Variants in KLF8 observed in about 807,000 individuals in gnomAD.
KLF8 encodes the protein Krueppel-like factor 8.
In KLF8, 10 loss-of-function variants were observed where a neutral mutation model predicts 18.2. That is an observed-to-expected ratio of 0.55 (90% CI 0.34 to 0.93). The LOEUF (loss-of-function observed/expected upper bound fraction) is 0.93. Among genes scored for constraint, KLF8 ranks in the 40% least tolerant of loss-of-function variants. The probability of loss-of-function intolerance (pLI) is 0.02; values close to 1 mark genes in which losing one functional copy is unlikely to be tolerated. For missense variants in KLF8, 264 were observed against 277.9 expected (o/e 0.95, Z 0.36); for synonymous variants, 109 against 97.3 (o/e 1.12, Z -0.71).
At chrX:55,924,805 G>A in the KLF8 span, among the ~76,000 whole-genome samples, 2 of 104,001 alleles carry the variant, frequency 1.9e-5, no homozygotes. Context: ...GTGGAGGATT[G>A]GTGGTTTCGT....
the KLF8 span, among the ~76,000 whole-genome samples, chrX:55,945,445 A>G: frequency 9.0e-6 from 1 of 111,108 alleles, no homozygotes; most frequent in Non-Finnish European, 1.9e-5. Context: ...AAAGTCTCCC[A>G]TTATTGTTGT....
chrX:56,135,316 C>G, the KLF8 span, among the ~76,000 whole-genome samples: 1,720 of 111,359 alleles, frequency 0.015, 22 homozygotes, highest in Admixed American at 0.052. Context: ...TTCCAACAAT[C>G]ATAGACTGGA....
At chrX:56,059,055 G>A in the KLF8 span, among the ~76,000 whole-genome samples, 1 of 111,988 alleles carries the variant, frequency 8.9e-6, no homozygotes, top group Non-Finnish European at 1.9e-5. Flanking sequence ...TAACTTGCAT[G>A]AGATAGTATC....
chrX:56,036,235 A>G, the KLF8 span, among the ~76,000 whole-genome samples: 109 of 111,703 alleles, frequency 9.8e-4, no homozygotes, highest in Middle Eastern at 4.7e-3. Flanking sequence ...TTGAGGTTTT[A>G]TTCATAAATT....
the KLF8 span, among the ~76,000 whole-genome samples, chrX:55,999,630 G>A: frequency 9.1e-6 from 1 of 110,484 alleles, no homozygotes; most frequent in Admixed American, 9.7e-5. Context: ...AATAAGAACT[G>A]ATTTCTTGAT....
the KLF8 span, among the ~76,000 whole-genome samples, chrX:56,199,206 A>G: frequency 8.9e-6 from 1 of 112,065 alleles, no homozygotes; most frequent in Non-Finnish European, 1.9e-5. Flanking sequence ...AAAACACCAA[A>G]AGAAATGGCA....
At chrX:55,983,886 C>T in the KLF8 span, among the ~76,000 whole-genome samples, 1 of 110,107 alleles carries the variant, frequency 9.1e-6, no homozygotes, top group Non-Finnish European at 1.9e-5. Context: ...ATTTTGTTTT[C>T]CAGTCCTGTG....
the KLF8 span, among the ~76,000 whole-genome samples, chrX:56,080,035 T>A: frequency 9.0e-6 from 1 of 111,382 alleles, no homozygotes; most frequent in Non-Finnish European, 1.9e-5. Flanking sequence ...TTTGAGCCTA[T>A]GTGTGTCTCT....
chrX:56,085,822 A>AGTTTAT, the KLF8 span, among the ~76,000 whole-genome samples: 1 of 112,105 alleles, frequency 8.9e-6, no homozygotes, highest in Admixed American at 9.5e-5. Context: ...GAAATATCTG[A>AGTTTAT]GCTCAGTTCA....
At chrX:56,211,246 C>T in the KLF8 span, among the ~76,000 whole-genome samples, 3 of 112,584 alleles carry the variant, frequency 2.7e-5, no homozygotes, top group South Asian at 1.1e-3. Flanking sequence ...AGGGGGCACC[C>T]CAGGCCCAGT....
At chrX:56,070,597 G>A in the KLF8 span, among the ~76,000 whole-genome samples, 110 of 110,695 alleles carry the variant, frequency 9.9e-4, no homozygotes, top group African/African-American at 3.6e-3. Flanking sequence ...TCACTCATAG[G>A]TAGGAGTTGA....
the KLF8 span, among the ~76,000 whole-genome samples, chrX:55,969,390 T>A: frequency 3.6e-5 from 4 of 111,590 alleles, no homozygotes; most frequent in South Asian, 7.5e-4. Context: ...AAATTGAAAA[T>A]TTTTTTGAAA....
chrX:56,194,948 G>T, the KLF8 span, among the ~76,000 whole-genome samples: 1 of 112,408 alleles, frequency 8.9e-6, no homozygotes, highest in South Asian at 3.6e-4. Flanking sequence ...AGGGTCTGGA[G>T]TGGACCTCCA....
At chrX:55,949,816 G>C in the KLF8 span, among the ~76,000 whole-genome samples, 136 of 109,630 alleles carry the variant, frequency 1.2e-3, no homozygotes, top group Non-Finnish European at 1.8e-3. Flanking sequence ...GAAAAGAAAA[G>C]AAAACAAGAA....
the KLF8 span, among the ~76,000 whole-genome samples, chrX:56,082,887 T>A: frequency 8.9e-6 from 1 of 112,150 alleles, no homozygotes; most frequent in Non-Finnish European, 1.9e-5. Flanking sequence ...TATTTTCTGT[T>A]GAGAAATCCA....
At chrX:56,048,659 T>G in the KLF8 span, among the ~76,000 whole-genome samples, 1 of 112,058 alleles carries the variant, frequency 8.9e-6, no homozygotes, top group Non-Finnish European at 1.9e-5. Flanking sequence ...CACGCTGTTT[T>G]GGTTACTGTA....
chrX:55,943,331 G>A, the KLF8 span, among the ~76,000 whole-genome samples: 1 of 110,448 alleles, frequency 9.1e-6, no homozygotes, highest in Non-Finnish European at 1.9e-5. Flanking sequence ...TAACAACACG[G>A]TACTAGATTA....
At chrX:56,154,263 C>T in the KLF8 span, among the ~76,000 whole-genome samples, 16 of 109,570 alleles carry the variant, frequency 1.5e-4, no homozygotes, top group African/African-American at 5.5e-4. Context: ...GAGATATAGA[C>T]CAATGGAACA....
intron 5 of KLF8, among the ~76,000 whole-genome samples, chrX:56,277,904 C>A (rs182778993): frequency 2.7e-5 from 3 of 112,537 alleles, no homozygotes; most frequent in East Asian, 5.6e-4. Context: ...CTTTCCACAG[C>A]CAGAGGAGCC....
Sources: allele counts gnomAD v4.1 joint callset (sites outside exome capture counted in the v4.1 genomes callset), GRCh38; gene constraint gnomAD v4.1.1; transcripts MANE v1.5; gene names NCBI Gene and HGNC (gene_info 2026-07-23, HGNC 2026-07-21).